CRACDL: variants seen among roughly 807,000 people sequenced by gnomAD.
CRACDL encodes the protein CRACD like, also known as CRACD-like protein.
CRACDL carries 26 observed loss-of-function variants against 70.6 expected under a neutral mutation model. That is an observed-to-expected ratio of 0.37 (90% CI 0.27 to 0.51). CRACDL has a LOEUF of 0.51. Among genes scored for constraint, CRACDL ranks in the 20% least tolerant of loss-of-function variants. The pLI, the probability that CRACDL is intolerant of heterozygous loss-of-function variation, is 0.94. For missense variants in CRACDL, 1,283 were observed against 1,376.9 expected (o/e 0.93, Z 1.08); for synonymous variants, 618 against 615.2 (o/e 1.00, Z -0.07).
At chr2:98,919,342 A>T (rs1372034802) in intron 1 of CRACDL, among the ~76,000 whole-genome samples, 1 of 152,182 alleles carries the variant, frequency 6.6e-6, no homozygotes, top group Non-Finnish European at 1.5e-5. Flanking sequence ...ATTTCAGGAC[A>T]ATTTTTTCCT....
intron 1 of CRACDL, among the ~76,000 whole-genome samples, chr2:98,914,481 C>T (rs1451459970): frequency 2.0e-5 from 3 of 152,240 alleles, no homozygotes; most frequent in Admixed American, 2.0e-4. Context: ...AAGTTGAGTC[C>T]TGTCCCCGCT....
chr2:98,797,492 T>A lies in CRACDL; in HGVS notation c.2462A>T (p.Gln821Leu). 6.2e-7 allele frequency: 1 copy of A among 1,614,200 alleles called. No individual in the cohort carries two copies. The highest frequency in any genetic ancestry group is 8.5e-7 in the Non-Finnish European group (1 of 1,180,034). The change falls in exon 8 of 10, where the codon CAG (glutamine) becomes CTG (leucine). Residue 821 changes from glutamine to leucine, a missense_variant. Gln to Leu is a moderately radical substitution (Grantham distance 113, BLOSUM62 -2). Around this residue, in one of 2 missense-constraint regions of CRACDL, gnomAD observed 921 missense variants for 881.9 expected, o/e 1.04. Transcript: ENST00000397899. ...PAATGPGADGQPAPPWITVTR... is the reference protein window; with the variant it reads ...PAATGPGADGLPAPPWITVTR... ...GACGGTGATCCAGGGTGGCGCAGGC[T>A]GCCCATCAGCTCCAGGCCCTGTTGC...
chr2:98,889,002 C>A (rs555971210), intron 1 of CRACDL, among the ~76,000 whole-genome samples: 1 of 151,848 alleles, frequency 6.6e-6, no homozygotes, highest in African/African-American at 2.4e-5. Flanking sequence ...GTGGTATGCA[C>A]CTATAGTCCC....
chr2:98,815,118 A>G (rs1055927544), intron 7 of CRACDL, among the ~76,000 whole-genome samples: 3 of 152,156 alleles, frequency 2.0e-5, no homozygotes, highest in Non-Finnish European at 4.4e-5. Flanking sequence ...AGAATGTGGC[A>G]TAATAGTTGC....
intron 7 of CRACDL, among the ~76,000 whole-genome samples, chr2:98,819,664 T>C (rs1307334129): frequency 2.0e-5 from 3 of 152,094 alleles, no homozygotes; most frequent in Non-Finnish European, 4.4e-5. Flanking sequence ...AAGATTAGAC[T>C]ATTTTGGAAC....
intron 6 of CRACDL, among the ~76,000 whole-genome samples, chr2:98,824,526 G>A (rs1367190433): frequency 2.0e-5 from 3 of 152,168 alleles, no homozygotes; most frequent in Admixed American, 2.0e-4. Flanking sequence ...AAGGAAAGGA[G>A]CTCCAGGTAA....
intron 1 of CRACDL, among the ~76,000 whole-genome samples, chr2:98,866,588 A>G (rs1346780533): frequency 6.8e-6 from 1 of 146,660 alleles, no homozygotes; most frequent in Non-Finnish European, 1.5e-5. Flanking sequence ...CCTGGGTTCA[A>G]GTGATTCTCC....
chr2:98,819,503 C>T (rs1159864099), intron 7 of CRACDL, among the ~76,000 whole-genome samples: 1 of 152,212 alleles, frequency 6.6e-6, no homozygotes, highest in Non-Finnish European at 1.5e-5. Flanking sequence ...AGATTCCGCA[C>T]TGATTATCCT....
intron 1 of CRACDL, among the ~76,000 whole-genome samples, chr2:98,934,388 C>A (rs1709157803): frequency 6.6e-6 from 1 of 151,754 alleles, no homozygotes; most frequent in Non-Finnish European, 1.5e-5. Flanking sequence ...AGAGTCAGGG[C>A]TTCACCACGT....
intron 1 of CRACDL, chr2:98,908,453 C>G (rs1280951760): frequency 6.6e-6 from 1 of 152,278 alleles, no homozygotes; most frequent in Admixed American, 6.5e-5. Context: ...GCTAGCCATC[C>G]TTCCTGGCCA....
intron 3 of CRACDL, among the ~76,000 whole-genome samples, chr2:98,833,911 G>A (rs1325687319): frequency 1.3e-5 from 2 of 152,200 alleles, no homozygotes; most frequent in African/African-American, 2.4e-5. Flanking sequence ...GGACTCTGAG[G>A]TGTGGCCCTG....
intron 7 of CRACDL, among the ~76,000 whole-genome samples, chr2:98,808,585 T>G (rs1264029509): frequency 6.6e-6 from 1 of 152,152 alleles, no homozygotes; most frequent in Non-Finnish European, 1.5e-5. Context: ...ATGCTTCTTT[T>G]AACCAGCCAG....
chr2:98,882,050 A>G (rs931087843), intron 1 of CRACDL, among the ~76,000 whole-genome samples: 1 of 152,216 alleles, frequency 6.6e-6, no homozygotes, highest in Non-Finnish European at 1.5e-5. Flanking sequence ...ACCTGGTTCC[A>G]CGTCCCATAC....
intron 1 of CRACDL, among the ~76,000 whole-genome samples, chr2:98,920,464 C>T (rs1708775734): frequency 6.6e-6 from 1 of 152,162 alleles, no homozygotes; most frequent in African/African-American, 2.4e-5. Context: ...CCACAGGCAC[C>T]CAGGGCTGTC....
intron 1 of CRACDL, among the ~76,000 whole-genome samples, chr2:98,900,646 C>T (rs1266320361): frequency 1.3e-5 from 2 of 152,008 alleles, no homozygotes; most frequent in African/African-American, 2.4e-5. Context: ...TGTGTGCATG[C>T]GTGTGTGTGG....
In CRACDL at chr2:98,838,238, C is replaced by T. The variant is rs1276625726; in HGVS notation, c.120G>A (p.Lys40=). ...TGGACGACGGCGATTCTTTTCTCTT[C>T]TTCTTCCCAAAAAACTTCTTAAAAG... ...FKTFKKFFGK[K]KRKESPSSTG... Residue 40 remains lysine (K), a synonymous_variant, in exon 3 of 10, where the codon AAG becomes AAA. Coordinates refer to ENST00000397899, the MANE Select transcript of CRACDL (RefSeq NM_207362.3). 1.9e-6 allele frequency: 3 copies of T among 1,612,852 alleles called. No individual in the cohort carries two copies. Among genetic ancestry groups the T allele is most frequent in the South Asian group, 1.1e-5 (1 of 90,936 alleles).
chr2:98,847,977 G>GT (rs1706330397), intron 1 of CRACDL, among the ~76,000 whole-genome samples: 1 of 152,044 alleles, frequency 6.6e-6, no homozygotes, highest in Non-Finnish European at 1.5e-5. Flanking sequence ...GCTGAACAAA[G>GT]TTTCACCAGC....
In CRACDL at chr2:98,825,854, T is replaced by A. The variant is rs149921859; in HGVS notation, c.735+1121A>T. On this transcript the variant is annotated intron_variant, in intron 6 of 9. Coordinates refer to ENST00000397899, the MANE Select transcript of CRACDL (RefSeq NM_207362.3). ...GCATGAGTTTAAAGAACACCTTCCA[T>A]ATGCCCAAAGGAAAACTCACTCTCT... Among the ~76,000 whole-genome samples, 752 of 152,342 alleles carry A rather than the reference T, an allele frequency of 4.9e-3. 7 individuals are homozygous for A. The highest frequency in any genetic ancestry group is 0.017 in the African/African-American group (719 of 41,586).
intron 1 of CRACDL, among the ~76,000 whole-genome samples, chr2:98,919,789 GT>G (rs1708756027): frequency 6.6e-6 from 1 of 152,174 alleles, no homozygotes. Flanking sequence ...GTCTCACTCT[GT>G]TGCCCAGGCT....
Sources: allele counts gnomAD v4.1 joint callset (sites outside exome capture counted in the v4.1 genomes callset), GRCh38; gene constraint gnomAD v4.1.1; regional missense constraint gnomAD v4.1.1; transcripts MANE v1.5; gene names NCBI Gene and HGNC (gene_info 2026-07-23, HGNC 2026-07-21).